SKAP2: variants seen among roughly 807,000 people sequenced by gnomAD.
SKAP2 encodes the protein src kinase-associated phosphoprotein 2.
In SKAP2, 28 loss-of-function variants were observed where a neutral mutation model predicts 54.9. The observed-to-expected ratio is 0.51, with a 90% CI of 0.38 to 0.70. SKAP2 has a LOEUF of 0.70. SKAP2 is among the 30% of genes least tolerant of loss of function. The probability of loss-of-function intolerance (pLI) is 0.00; values close to 1 mark genes in which losing one functional copy is unlikely to be tolerated. For missense variants in SKAP2, 356 were observed against 424.1 expected (o/e 0.84, Z 1.41); for synonymous variants, 137 against 134.3 (o/e 1.02, Z -0.14).
At chr7:26,783,816 T>C (rs1357187433) in intron 4 of SKAP2, among the ~76,000 whole-genome samples, 1 of 151,954 alleles carries the variant, frequency 6.6e-6, no homozygotes, top group African/African-American at 2.4e-5. Flanking sequence ...CGGGGAGGGA[T>C]AGCTTTAGGA....
At chr7:26,711,722 T>A (rs1173684405) in intron 9 of SKAP2, among the ~76,000 whole-genome samples, 1 of 152,046 alleles carries the variant, frequency 6.6e-6, no homozygotes, top group Non-Finnish European at 1.5e-5. Flanking sequence ...TTACTAGGGG[T>A]TGGGAACTCA....
chr7:26,747,854 C>A (rs1562595903), intron 4 of SKAP2, among the ~76,000 whole-genome samples: 1 of 148,712 alleles, frequency 6.7e-6, no homozygotes, highest in Admixed American at 6.8e-5. Context: ...TTTCTTCCTT[C>A]CTTTCTTTCT....
At chr7:26,677,958 G>C (rs1786389517) in intron 11 of SKAP2, among the ~76,000 whole-genome samples, 1 of 152,190 alleles carries the variant, frequency 6.6e-6, no homozygotes, top group East Asian at 1.9e-4. Context: ...CTCTGATATA[G>C]AAGAAAAGTT....
chr7:26,818,866 G>A (rs868169418), intron 4 of SKAP2, among the ~76,000 whole-genome samples: 20 of 152,154 alleles, frequency 1.3e-4, no homozygotes, highest in African/African-American at 2.9e-4. Context: ...TCAAAACCAC[G>A]ATGAGATACC....
At position 26,835,098 on chromosome 7, in the gene SKAP2, A is replaced by G. The variant is rs1784678687; in HGVS notation, c.307+8932T>C. Among the ~76,000 whole-genome samples the G allele has an allele frequency of 1.3e-5, 2 of 152,186 alleles. 1 individual carries two copies. ...AAACAGAACTAATGACAAAAACCACATGATTATCTCAAAAGATGCAGAAAA... is the reference window on the plus strand; with the variant it reads ...AAACAGAACTAATGACAAAAACCACGTGATTATCTCAAAAGATGCAGAAAA... On this transcript the variant is annotated intron_variant, in intron 4 of 12. Transcript: ENST00000345317.
chr7:26,842,158 T>C (rs866396905), intron 4 of SKAP2, among the ~76,000 whole-genome samples: 10 of 151,908 alleles, frequency 6.6e-5, no homozygotes, highest in African/African-American at 2.4e-4. Context: ...AAAAACAGTA[T>C]TATTTATATA....
intron 3 of SKAP2, among the ~76,000 whole-genome samples, chr7:26,845,646 G>A (rs768113984): frequency 1.4e-4 from 22 of 152,312 alleles, no homozygotes; most frequent in Non-Finnish European, 2.6e-4. Flanking sequence ...AAAGAAGAGT[G>A]CTAGGCTGGT....
intron 10 of SKAP2, 49 bp downstream of exon 10, chr7:26,690,236 G>A: frequency 1.6e-6 from 2 of 1,287,602 alleles, no homozygotes; most frequent in Non-Finnish European, 1.1e-6. Flanking sequence ...TAAAATGAAA[G>A]TGAACAAAAG....
chr7:26,729,523 G>A (rs1787777751), intron 6 of SKAP2, among the ~76,000 whole-genome samples: 1 of 152,096 alleles, frequency 6.6e-6, no homozygotes, highest in Admixed American at 6.6e-5. Flanking sequence ...AGGAAAGGCT[G>A]AGACAAGTAG....
chr7:26,658,297 C>A, the SKAP2 span, among the ~76,000 whole-genome samples: 1 of 152,196 alleles, frequency 6.6e-6, no homozygotes, highest in African/African-American at 2.4e-5. Context: ...CAATCAAAAA[C>A]ACAGCAGGGG....
chr7:26,764,253 A>G (rs1360981828), intron 4 of SKAP2, among the ~76,000 whole-genome samples: 1 of 152,192 alleles, frequency 6.6e-6, no homozygotes, highest in Non-Finnish European at 1.5e-5. Flanking sequence ...GCAACTAGGT[A>G]CAGTACCTAG....
At chr7:26,814,717 T>A (rs1045426265) in intron 4 of SKAP2, among the ~76,000 whole-genome samples, 4 of 152,136 alleles carry the variant, frequency 2.6e-5, no homozygotes, top group South Asian at 4.1e-4. Flanking sequence ...AAGGGCCTTG[T>A]AAAAGATGTT....
intron 4 of SKAP2, among the ~76,000 whole-genome samples, chr7:26,757,027 GT>G (rs1017603091): frequency 1.3e-5 from 2 of 152,100 alleles, no homozygotes; most frequent in Admixed American, 1.3e-4. Flanking sequence ...TGATGGGGTT[GT>G]TTTTTTCTTG....
chr7:26,823,938 T>C (rs1245314983), intron 4 of SKAP2, among the ~76,000 whole-genome samples: 1 of 152,190 alleles, frequency 6.6e-6, no homozygotes, highest in Admixed American at 6.5e-5. Context: ...AACAACACTG[T>C]TGAAATGACA....
At chr7:26,736,288 G>C (rs1246945221) in intron 6 of SKAP2, among the ~76,000 whole-genome samples, 1 of 152,168 alleles carries the variant, frequency 6.6e-6, no homozygotes, top group African/African-American at 2.4e-5. Flanking sequence ...CCAAAATCAA[G>C]ATGGTGATGA....
At chr7:26,789,028 T>A (rs1783620027) in intron 4 of SKAP2, among the ~76,000 whole-genome samples, 1 of 152,172 alleles carries the variant, frequency 6.6e-6, no homozygotes, top group Non-Finnish European at 1.5e-5. Context: ...TCAAATACAG[T>A]ATGAACCATT....
intron 4 of SKAP2, among the ~76,000 whole-genome samples, chr7:26,823,425 CAAAAAA>C (rs60207927): frequency 2.1e-5 from 2 of 94,018 alleles, no homozygotes; most frequent in African/African-American, 9.0e-5. Flanking sequence ...GACTTTGTCT[CAAAAAA>C]AAAAAAAAAA....
intron 4 of SKAP2, among the ~76,000 whole-genome samples, chr7:26,824,148 G>A (rs146473194): frequency 3.9e-5 from 6 of 152,010 alleles, no homozygotes; most frequent in African/African-American, 1.4e-4. Flanking sequence ...TTAAGAAACT[G>A]CCACAGCCCC....
chr7:26,862,638 T>C (rs144982008), intron 1 of SKAP2, among the ~76,000 whole-genome samples: 2,239 of 152,158 alleles, frequency 0.015, 56 homozygotes, highest in African/African-American at 0.051. Flanking sequence ...AATATGTAAT[T>C]TTGAGTTTTT....
Sources: gnomAD v4.1 joint callset for allele counts (sites outside exome capture counted in the v4.1 genomes callset) on GRCh38, gnomAD v4.1.1 for gene constraint, MANE v1.5 for transcripts, NCBI Gene and HGNC (gene_info 2026-07-23, HGNC 2026-07-21) for gene names.